SLC35H1: variants seen among roughly 807,000 people sequenced by gnomAD.
SLC35H1 encodes the protein solute carrier family 35 member H1.
chr20:46,350,462 G>C, the SLC35H1 span: 10 of 1,613,456 alleles, frequency 6.2e-6, no homozygotes, highest in East Asian at 8.9e-5. Flanking sequence ...TGGCTGCTCC[G>C]GAGCAGCAGC....
chr20:46,355,404 C>T, the SLC35H1 span: 6 of 751,392 alleles, frequency 8.0e-6, no homozygotes, highest in East Asian at 5.4e-5. The surrounding 1 kb of genome is among the most constrained non-coding windows in gnomAD (Gnocchi z 4.8). Context: ...TCCTTGCCCA[C>T]CAATGTCAGC....
the SLC35H1 span, chr20:46,349,602 CATT>C: frequency 2.0e-5 from 3 of 152,482 alleles, no homozygotes; most frequent in African/African-American, 7.2e-5. Flanking sequence ...CTGAGATAGA[CATT>C]ATCCCCATTT....
the SLC35H1 span, chr20:46,358,507 T>C: frequency 6.2e-7 from 1 of 1,614,094 alleles, no homozygotes; most frequent in Non-Finnish European, 8.5e-7. Flanking sequence ...ACCTCCCCAT[T>C]CGTGGCGGCT....
At chr20:46,363,451 C>G in the SLC35H1 span, among the ~76,000 whole-genome samples, 3 of 152,188 alleles carry the variant, frequency 2.0e-5, no homozygotes, top group Non-Finnish European at 4.4e-5. Context: ...TTATTTCTCA[C>G]GCTCCCAATC....
the SLC35H1 span, among the ~76,000 whole-genome samples, chr20:46,353,794 G>C: frequency 6.6e-6 from 1 of 152,084 alleles, no homozygotes; most frequent in Non-Finnish European, 1.5e-5. Flanking sequence ...ACACGGGAGG[G>C]GAGGGAGAGT....
At chr20:46,352,420 G>A in the SLC35H1 span, 1 of 589,676 alleles carries the variant, frequency 1.7e-6, no homozygotes, top group Non-Finnish European at 3.0e-6. Context: ...GGGAAACCAG[G>A]GAAGCAGTGA....
the SLC35H1 span, chr20:46,358,909 T>C: frequency 1.5e-6 from 1 of 645,542 alleles, no homozygotes; most frequent in South Asian, 1.7e-5. Context: ...ACGTCGTGTC[T>C]GCTGTCTTGT....
chr20:46,350,296 G>T, the SLC35H1 span: 2 of 1,445,344 alleles, frequency 1.4e-6, no homozygotes, highest in Non-Finnish European at 9.3e-7. Context: ...CCCGTCCACA[G>T]CTCCCAGCTA....
chr20:46,357,220 C>T, the SLC35H1 span, among the ~76,000 whole-genome samples: 9 of 152,358 alleles, frequency 5.9e-5, no homozygotes, highest in Admixed American at 3.3e-4. Flanking sequence ...CTTCCTCTAC[C>T]AGCCATGGGC....
chr20:46,349,398 G>A, the SLC35H1 span: 1 of 152,294 alleles, frequency 6.6e-6, no homozygotes, highest in African/African-American at 2.4e-5. Flanking sequence ...GAAGTTCCAG[G>A]AGGCTGTGTG....
the SLC35H1 span, among the ~76,000 whole-genome samples, chr20:46,360,190 G>T: frequency 6.6e-6 from 1 of 152,306 alleles, no homozygotes; most frequent in African/African-American, 2.4e-5. Context: ...TGTAAACACA[G>T]TGCAGTGTTT....
chr20:46,362,356 G>C, the SLC35H1 span, among the ~76,000 whole-genome samples: 2 of 152,182 alleles, frequency 1.3e-5, no homozygotes, highest in African/African-American at 2.4e-5. Flanking sequence ...GCTTAGCTGG[G>C]GGCAGCAGTC....
At chr20:46,348,540 G>C in the SLC35H1 span, 2 of 152,378 alleles carry the variant, frequency 1.3e-5, no homozygotes, top group Non-Finnish European at 1.5e-5. Context: ...GAATCCAAGG[G>C]GGGCAGAGGT....
chr20:46,350,465 G>GCAGCAGCTC, the SLC35H1 span: 1 of 1,613,282 alleles, frequency 6.2e-7, no homozygotes. Context: ...CTGCTCCGGA[G>GCAGCAGCTC]CAGCAGCTCC....
At chr20:46,359,559 A>G in the SLC35H1 span, among the ~76,000 whole-genome samples, 2 of 152,148 alleles carry the variant, frequency 1.3e-5, no homozygotes, top group Admixed American at 6.5e-5. Flanking sequence ...CGGCTGGAAC[A>G]CTGTAAGACC....
At chr20:46,356,477 G>T in the SLC35H1 span, 3 of 1,207,820 alleles carry the variant, frequency 2.5e-6, no homozygotes, top group Non-Finnish European at 3.6e-6. Context: ...CCAGAGTGGT[G>T]GAGTGGCTGG....
the SLC35H1 span, among the ~76,000 whole-genome samples, chr20:46,360,386 G>C: frequency 6.6e-6 from 1 of 152,136 alleles, no homozygotes; most frequent in Non-Finnish European, 1.5e-5. Context: ...GTGTCAGTCT[G>C]TGTCTGTGGC....
At chr20:46,358,548 C>T in the SLC35H1 span, 2 of 1,614,080 alleles carry the variant, frequency 1.2e-6, no homozygotes, top group South Asian at 1.1e-5. Context: ...TCAGCGGGGG[C>T]AGGCACCCCT....
chr20:46,357,918 A>G, the SLC35H1 span: 2 of 822,976 alleles, frequency 2.4e-6, no homozygotes, highest in Non-Finnish European at 3.8e-6. Flanking sequence ...GCCCTTAGTT[A>G]CGGTATCATC....
Sources: gnomAD v4.1 joint callset for allele counts (sites outside exome capture counted in the v4.1 genomes callset) on GRCh38, gnomAD v4.1.1 for gene constraint, Gnocchi (gnomAD v3.1) non-coding constraint, MANE v1.5 for transcripts, NCBI Gene and HGNC (gene_info 2026-07-23, HGNC 2026-07-21) for gene names.